The following RBM47 variants were observed in gnomAD, a reference collection of about 807,000 sequenced individuals.
The protein encoded by RBM47 is RNA-binding protein 47.
A neutral mutation model predicts 47.1 loss-of-function variants in RBM47; 21 were observed. That is an observed-to-expected ratio of 0.45 (90% CI 0.32 to 0.64). The LOEUF is 0.64. RBM47 is among the 30% of genes least tolerant of loss of function. The pLI, the probability that RBM47 is intolerant of heterozygous loss-of-function variation, is 0.05. For missense variants in RBM47, 708 were observed against 870.9 expected (o/e 0.81, Z 2.35); for synonymous variants, 375 against 361.7 (o/e 1.04, Z -0.42).
chr4:40,541,631 G>A (rs945214712), intron 2 of RBM47, among the ~76,000 whole-genome samples: 3 of 152,160 alleles, frequency 2.0e-5, no homozygotes, highest in Non-Finnish European at 4.4e-5. Flanking sequence ...CCAGCTAGTC[G>A]GGAGGCTGAG....
At chr4:40,611,114 A>G (rs1325179007) in intron 1 of RBM47, among the ~76,000 whole-genome samples, 1 of 152,178 alleles carries the variant, frequency 6.6e-6, no homozygotes, top group Non-Finnish European at 1.5e-5. Flanking sequence ...GGTTAAACTG[A>G]TGCTACCGAT....
At chr4:40,595,538 T>C (rs1403441752) in intron 1 of RBM47, among the ~76,000 whole-genome samples, 4 of 152,102 alleles carry the variant, frequency 2.6e-5, no homozygotes, top group South Asian at 2.1e-4. Flanking sequence ...GGAAAAGTTA[T>C]GATTTGTTTT....
At chr4:40,509,882 C>T (rs1172529249) in intron 2 of RBM47, among the ~76,000 whole-genome samples, 2 of 126,560 alleles carry the variant, frequency 1.6e-5, no homozygotes, top group African/African-American at 5.7e-5. Context: ...GACTCCGTCT[C>T]AAAAAAAAAA....
chr4:40,622,336 G>A (rs1465759083), intron 1 of RBM47, among the ~76,000 whole-genome samples: 2 of 152,230 alleles, frequency 1.3e-5, no homozygotes, highest in South Asian at 2.1e-4. Flanking sequence ...GTGAAGCATG[G>A]AGATGTCTGG....
chr4:40,497,166 C>T (rs1035070879), intron 2 of RBM47, among the ~76,000 whole-genome samples: 1 of 152,128 alleles, frequency 6.6e-6, no homozygotes, highest in African/African-American at 2.4e-5. Context: ...CTGGCCTTAA[C>T]TCCCAAGTTC....
At chr4:40,557,955 T>G (rs1366540244) in intron 1 of RBM47, among the ~76,000 whole-genome samples, 1 of 152,204 alleles carries the variant, frequency 6.6e-6, no homozygotes. Context: ...CTTAATTTTC[T>G]TATTCTTTTT....
Position 40,425,787 on chromosome 4 carries a change from GC to G in RBM47, c.*116del. The G allele has an allele frequency of 7.2e-7, 1 of 1,384,354 alleles. No homozygotes were observed. Among genetic ancestry groups the G allele is most frequent in the Non-Finnish European group, 9.8e-7 (1 of 1,018,522 alleles). 85.8% of individuals were successfully genotyped at this position (1,384,354 alleles called of 1,614,324 possible). A position where few individuals can be genotyped will look rare whatever the true frequency, so the allele number is the denominator to read the frequency against. ...TATAAAATAATTCAGAAATAAATCT[GC>G]TAACATTCTTCACTTTCAGGTTGCA... On this transcript the variant is annotated 3_prime_UTR_variant, in exon 7 of 7. Coordinates refer to ENST00000295971, the MANE Select transcript of RBM47 (RefSeq NM_001098634.2).
rs563990778 is a variant in RBM47 at position 40,465,691 on chromosome 4, A to G, written c.-32+886T>C. On this transcript the variant is annotated intron_variant, in intron 3 of 6. Coordinates refer to ENST00000295971, the MANE Select transcript of RBM47 (RefSeq NM_001098634.2). ...GACACTCCATCTCCAAAAAAAAAAA[A>G]AGAGAGATCTTGGCTCACTGCAACC... 2.6e-5 allele frequency among the ~76,000 whole-genome samples: 4 copies of G among 152,112 alleles called. No individual in the cohort carries two copies. In the East Asian group the frequency reaches 5.8e-4, roughly 22 times the overall value.
intron 1 of RBM47, among the ~76,000 whole-genome samples, chr4:40,595,905 C>T (rs1734708863): frequency 1.3e-5 from 2 of 151,152 alleles, no homozygotes; most frequent in Admixed American, 1.3e-4. Flanking sequence ...ACTTCGTCCC[C>T]CCTGCCAAAA....
intron 2 of RBM47, among the ~76,000 whole-genome samples, chr4:40,500,312 C>G (rs915658934): frequency 6.7e-6 from 1 of 150,160 alleles, no homozygotes; most frequent in East Asian, 2.0e-4. Context: ...AGACTTCGTC[C>G]CCCCCCAAAA....
chr4:40,490,900 AAAAAATTGATAAATGGATACT>A (rs989918777), intron 2 of RBM47, among the ~76,000 whole-genome samples: 3 of 152,194 alleles, frequency 2.0e-5, no homozygotes, highest in African/African-American at 7.2e-5. Flanking sequence ...TTTCTGGGAA[AAAAAATTGATAAATGGATACT>A]AAAATTCCTA....
chr4:40,535,371 C>CTTTTTTTTTTTTTTTTTCTTTTTTTTT (rs1553897873), intron 2 of RBM47, among the ~76,000 whole-genome samples: 1 of 103,460 alleles, frequency 9.7e-6, no homozygotes, highest in Non-Finnish European at 1.9e-5. Context: ...TATGGTATTT[C>CTTTTTTTTTTTTTTTTTCTTTTTTTTT]TTTTTTTTTT....
intron 1 of RBM47, among the ~76,000 whole-genome samples, chr4:40,606,430 G>A (rs60522820): frequency 0.055 from 8,343 of 152,174 alleles, 516 homozygotes; most frequent in African/African-American, 0.15. Flanking sequence ...GGTCAGATCT[G>A]TCTTCCAGAT....
At chr4:40,557,501 C>T (rs990544546) in intron 1 of RBM47, among the ~76,000 whole-genome samples, 4 of 152,092 alleles carry the variant, frequency 2.6e-5, no homozygotes, top group African/African-American at 7.2e-5. Flanking sequence ...GTAATCCCAG[C>T]GCTTTGGGAG....
At chr4:40,572,922 C>T (rs936320444) in intron 1 of RBM47, among the ~76,000 whole-genome samples, 1 of 151,526 alleles carries the variant, frequency 6.6e-6, no homozygotes, top group South Asian at 2.1e-4. Context: ...GAGGCCGAGG[C>T]GGGCGGATTA....
chr4:40,556,090 C>T (rs544322029), intron 1 of RBM47, among the ~76,000 whole-genome samples: 4 of 149,550 alleles, frequency 2.7e-5, no homozygotes, highest in East Asian at 2.0e-4. Flanking sequence ...GGCTGGAGTG[C>T]GGTGGCGTGA....
chr4:40,626,806 G>C (rs1227790337), intron 1 of RBM47, among the ~76,000 whole-genome samples: 4 of 152,096 alleles, frequency 2.6e-5, no homozygotes, highest in African/African-American at 9.7e-5. Flanking sequence ...TTACCAACAG[G>C]ATGATTCAGG....
At chr4:40,450,003 T>C (rs1408628732) in intron 3 of RBM47, among the ~76,000 whole-genome samples, 1 of 152,160 alleles carries the variant, frequency 6.6e-6, no homozygotes, top group African/African-American at 2.4e-5. Flanking sequence ...AAATAAGCAT[T>C]ACTTACACTT....
At chr4:40,435,160 T>C (rs1023661193) in intron 5 of RBM47, among the ~76,000 whole-genome samples, 9 of 152,214 alleles carry the variant, frequency 5.9e-5, no homozygotes, top group African/African-American at 1.9e-4. Context: ...GGTCCCTGGC[T>C]TGAAATACTT....
Sources: allele counts gnomAD v4.1 joint callset (sites outside exome capture counted in the v4.1 genomes callset), GRCh38; gene constraint gnomAD v4.1.1; transcripts MANE v1.5; gene names NCBI Gene and HGNC (gene_info 2026-07-23, HGNC 2026-07-21).